MYOF: variants seen among roughly 807,000 people sequenced by gnomAD.
MYOF encodes the protein fer-1-like 3, myoferlin.
Under a neutral mutation model 284.2 loss-of-function variants are expected in MYOF, and 244 were observed. The ratio of observed to expected loss-of-function variants is 0.86; its 90% CI spans 0.77 to 0.95. The LOEUF (loss-of-function observed/expected upper bound fraction) is 0.95. Among genes scored for constraint, MYOF ranks in the 40% least tolerant of loss-of-function variants. The pLI, the probability that MYOF is intolerant of heterozygous loss-of-function variation, is 0.00. For missense variants in MYOF, 2,496 were observed against 2,560.6 expected, an observed-to-expected ratio of 0.97 and a Z score of 0.54; for synonymous variants, 904 against 919.7, an observed-to-expected ratio of 0.98 and a Z score of 0.31.
chr10:93,333,899 G>A lies in MYOF; in HGVS notation c.4578C>T (p.Ile1526=). The A allele has an allele frequency of 1.9e-6, 3 of 1,614,010 alleles. No homozygotes were observed. The highest frequency in any genetic ancestry group is 2.5e-6 in the Non-Finnish European group (3 of 1,179,968). The change falls in exon 42 of 54, where the codon ATC becomes ATT. Residue 1526 remains isoleucine (I), a synonymous_variant. Coordinates refer to ENST00000359263, the MANE Select transcript of MYOF (RefSeq NM_013451.4). The part of the protein sequence containing the change: ...VVGEFKGSFR[I]YPLPDDPSVP... ...CGCTGGGGTCATCCGGCAGAGGGTA[G>A]ATCCGAAAGGAGCCCTAAAAGAGAG... is the stretch of plus-strand genomic sequence containing the variant.
At position 93,355,859 on chromosome 10, in the gene MYOF, A is replaced by G. The variant is rs763914740; in HGVS notation, c.3295-123T>C. 9.1e-5 allele frequency: 60 copies of G among 660,574 alleles called. No individual in the cohort carries two copies. The African/African-American group carries it at 1.0e-3, about 11-fold the overall frequency. The allele number at this position is 660,574 out of a possible 1,614,324, so 40.9% of individuals were successfully genotyped here. ...TAGCTTTTTAAAGATGTTATCGTGC[A>G]AACACCCCATTTTTAAAGATGAATA... On this transcript the variant is annotated intron_variant, in intron 30 of 53. Coordinates refer to ENST00000359263, the MANE Select transcript of MYOF (RefSeq NM_013451.4).
chr10:93,435,371 G>A (rs1236414332), intron 3 of MYOF, among the ~76,000 whole-genome samples: 1 of 152,212 alleles, frequency 6.6e-6, no homozygotes, highest in African/African-American at 2.4e-5. Flanking sequence ...TTTTATGGGA[G>A]GCTATACTGT....
chr10:93,425,055 C>G (rs919861531), intron 5 of MYOF, among the ~76,000 whole-genome samples: 25 of 147,688 alleles, frequency 1.7e-4, no homozygotes, highest in African/African-American at 5.7e-4. Context: ...TCTCCTGTCT[C>G]AGCCTCCCGA....
chr10:93,397,687 T>C (rs1419609171), intron 13 of MYOF, among the ~76,000 whole-genome samples: 1 of 151,874 alleles, frequency 6.6e-6, no homozygotes, highest in Non-Finnish European at 1.5e-5. Flanking sequence ...AGTTTTCAAT[T>C]GTCAGGCTTC....
At chr10:93,402,380 A>T (rs376600822) in intron 10 of MYOF, 33 bp from the exon 11 acceptor site, 25 of 1,533,434 alleles carry the variant, frequency 1.6e-5, no homozygotes, top group Non-Finnish European at 2.2e-5. Flanking sequence ...GGAAATGGAC[A>T]TGCTAAAAAG....
intron 45 of MYOF, 137 bp downstream of exon 45, chr10:93,328,626 C>T (rs1033805952): frequency 3.7e-6 from 3 of 812,122 alleles, no homozygotes; most frequent in Non-Finnish European, 3.7e-6. Flanking sequence ...TCTGACGTGG[C>T]TGTTGTTAGT....
rs774246060 is a variant in MYOF, at chr10:93,351,782, C to G, written c.3546G>C (p.Leu1182=). Residue 1182 remains leucine (L), a synonymous_variant, in exon 33 of 54, where the codon CTG becomes CTC. Coordinates refer to ENST00000359263, the MANE Select transcript of MYOF (RefSeq NM_013451.4). The part of the protein sequence containing the change: ...SKTTEIIHST[L]NPTWDQTIIF... ...TAATTGTTTGGTCCCACGTGGGATT[C>G]AGGGTTGAATGGATGATCTCAGTGG... The G allele has an allele frequency of 4.4e-6, 7 of 1,600,912 alleles. No homozygotes were observed. In the African/African-American group the frequency reaches 9.5e-5, roughly 22 times the overall value.
rs543983917 is a variant in MYOF, at chr10:93,375,052, T to C, written c.2109-97A>G. On this transcript the variant is annotated intron_variant, in intron 22 of 53. Coordinates refer to ENST00000359263, the MANE Select transcript of MYOF (RefSeq NM_013451.4). ...ATACATTTATGTTGGATTTCCATCT[T>C]GCAAACCACATCAACCTCCTAACTG... is the stretch of plus-strand genomic sequence containing the variant. The C allele has an allele frequency of 5.0e-6, 6 of 1,202,052 alleles. No homozygotes were observed. The South Asian group carries it at 7.8e-5, about 16-fold the overall frequency. The allele number at this position is 1,202,052 out of a possible 1,614,324, so 74.5% of individuals were successfully genotyped here.
intron 41 of MYOF, among the ~76,000 whole-genome samples, chr10:93,334,720 C>G (rs74541236): frequency 0.051 from 7,829 of 152,222 alleles, 304 homozygotes; most frequent in Middle Eastern, 0.082. Flanking sequence ...TTCCAGTGGT[C>G]TTTATTCAGT....
chr10:93,332,922 C>T lies in MYOF; in HGVS notation c.4811+299G>A, dbSNP rs984644906. Among the ~76,000 whole-genome samples, 12 of 152,100 alleles carry T rather than the reference C, an allele frequency of 7.9e-5. No individual in the cohort carries two copies. In the South Asian group the frequency reaches 2.1e-3, roughly 26 times the overall value. ...TTGAGATGTTTTATATAAACAGCTC[C>T]GCAGACAGCCAGGTGGGAGGGGGGT... is the stretch of plus-strand genomic sequence containing the variant. On this transcript the variant is annotated intron_variant, in intron 43 of 53. Transcript: ENST00000359263.
At position 93,356,782 on chromosome 10, in the gene MYOF, A is replaced by C; in HGVS notation, c.3187T>G (p.Trp1063Gly). ...AAGGTATCTGAACTACGTTGTTTCC[A>C]GTGAAATTTCCAGCCAATTAGAGAA... ...YASLIGWKFH[W>G]KQRSSDTFRR... The change falls in exon 30 of 54, where the codon TGG (tryptophan) becomes GGG (glycine). Residue 1063 changes from tryptophan (W) to glycine (G), a missense_variant. By Grantham distance (184) the Trp-to-Gly change is radical. Transcript: ENST00000359263. 6.2e-7 allele frequency: 1 copy of C among 1,614,208 alleles called. No homozygotes were observed. Among genetic ancestry groups the C allele is most frequent in the Non-Finnish European group, 8.5e-7 (1 of 1,180,026 alleles).
At chr10:93,455,905 T>C (rs1458286229) in intron 2 of MYOF, among the ~76,000 whole-genome samples, 1 of 152,118 alleles carries the variant, frequency 6.6e-6, no homozygotes, top group East Asian at 1.9e-4. Flanking sequence ...ATTGGGTGGT[T>C]TAAAAGAGAG....
intron 1 of MYOF, among the ~76,000 whole-genome samples, chr10:93,470,563 G>A (rs1238248370): frequency 6.6e-6 from 1 of 151,956 alleles, no homozygotes; most frequent in African/African-American, 2.4e-5. Context: ...CACCATGCCT[G>A]GCTAATTTTT....
intron 40 of MYOF, 111 bp downstream of exon 40, chr10:93,337,704 C>G (rs1843679584): frequency 1.2e-6 from 1 of 806,610 alleles, no homozygotes; most frequent in Non-Finnish European, 2.0e-6. Flanking sequence ...TTTCCTGGGC[C>G]CTGCTCATTA....
chr10:93,355,836 G>T, intron 30 of MYOF, 100 bp from the exon 31 acceptor site: 1 of 822,090 alleles, frequency 1.2e-6, no homozygotes, highest in Non-Finnish European at 2.0e-6. Context: ...TGGAATTCTA[G>T]CTTTTTAAAG....
rs1333272905 is a variant in MYOF, at chr10:93,342,049, G to A, written c.4326+1807C>T. The A allele has an allele frequency of 2.3e-5, 23 of 995,958 alleles. No homozygotes were observed. In the African/African-American group the frequency reaches 2.3e-4, roughly 10 times the overall value. The allele number at this position is 995,958 out of a possible 1,614,324, so 61.7% of individuals were successfully genotyped here. On this transcript the variant is annotated intron_variant, in intron 38 of 53. Transcript: ENST00000359263. ...GGCTAGCACTTGACCAATTTTCCCC[G>A]AAGACTTATTTCTCACTTTTCTTGT...
intron 23 of MYOF, among the ~76,000 whole-genome samples, chr10:93,374,349 G>A (rs1405642949): frequency 1.3e-5 from 2 of 152,154 alleles, no homozygotes; most frequent in Non-Finnish European, 2.9e-5. Context: ...CCATTTTACA[G>A]ATGGGGAAAC....
At chr10:93,478,573 G>C (rs2057317041) in intron 1 of MYOF, among the ~76,000 whole-genome samples, 2 of 151,910 alleles carry the variant, frequency 1.3e-5, no homozygotes, top group African/African-American at 4.8e-5. Context: ...GCTCATACCT[G>C]TAATCCCAAT....
At chr10:93,318,619 G>A (rs545208471) in intron 49 of MYOF, among the ~76,000 whole-genome samples, 5 of 151,908 alleles carry the variant, frequency 3.3e-5, no homozygotes, top group South Asian at 2.1e-4. Flanking sequence ...TTAGCTGGGC[G>A]TGATGGTACA....
Sources: gnomAD v4.1 joint callset for allele counts (sites outside exome capture counted in the v4.1 genomes callset) on GRCh38, gnomAD v4.1.1 for gene constraint, MANE v1.5 for transcripts, NCBI Gene and HGNC (gene_info 2026-07-23, HGNC 2026-07-21) for gene names.